The following USP14 variants were observed in gnomAD, a reference collection of about 807,000 sequenced individuals.
The protein encoded by USP14 is ubiquitin carboxyl-terminal hydrolase 14.
A neutral mutation model predicts 76.5 loss-of-function variants in USP14; 38 were observed. The ratio of observed to expected loss-of-function variants is 0.50; its 90% CI spans 0.38 to 0.65. The LOEUF is 0.65. Ranked by LOEUF, USP14 falls within the 30% of genes least tolerant of loss-of-function variation. The pLI is 0.00. For missense variants in USP14, 467 were observed against 586.5 expected, an observed-to-expected ratio of 0.80 and a Z score of 2.10; for synonymous variants, 192 against 191.7, an observed-to-expected ratio of 1.00 and a Z score of -0.01.
At chr18:186,783 G>A (rs927171246) in intron 5 of USP14, among the ~76,000 whole-genome samples, 2 of 151,928 alleles carry the variant, frequency 1.3e-5, no homozygotes, top group Non-Finnish European at 2.9e-5. Context: ...GAAGATTTGC[G>A]TTATATTTGG....
At chr18:193,453 C>T (rs1237358442) in intron 6 of USP14, among the ~76,000 whole-genome samples, 3 of 151,994 alleles carry the variant, frequency 2.0e-5, no homozygotes, top group Non-Finnish European at 1.5e-5. Flanking sequence ...ATATAGTGTA[C>T]ATATCATAAA....
In USP14 at chr18:213,744, G is replaced by C. The variant is rs1223778052; in HGVS notation, c.*2460G>C. 6.6e-6 allele frequency: 1 copy of C among 152,460 alleles called. No individual in the cohort carries two copies. Among genetic ancestry groups the C allele is most frequent in the South Asian group, 2.1e-4 (1 of 4,816 alleles). The allele number at this position is 152,460 out of a possible 1,614,324, so 9.4% of individuals were successfully genotyped here. ...GCCCTAAAGGGAAATGCTTATGTGGGAACAAGAAAAGTCGGTGGTACTGTC... is the reference window on the plus strand; with the variant it reads ...GCCCTAAAGGGAAATGCTTATGTGGCAACAAGAAAAGTCGGTGGTACTGTC... On this transcript the variant is annotated 3_prime_UTR_variant, in exon 16 of 16. Coordinates refer to ENST00000261601, the MANE Select transcript of USP14 (RefSeq NM_005151.4).
At chr18:205,512 G>A (rs921056290) in intron 13 of USP14, among the ~76,000 whole-genome samples, 3 of 152,092 alleles carry the variant, frequency 2.0e-5, no homozygotes, top group African/African-American at 4.8e-5. Flanking sequence ...GGTGGCTCAC[G>A]CTAGTAATCC....
At chr18:172,093 T>C (rs1012565167) in intron 3 of USP14, among the ~76,000 whole-genome samples, 2 of 151,910 alleles carry the variant, frequency 1.3e-5, no homozygotes, top group African/African-American at 2.4e-5. Flanking sequence ...ATAAAATTAG[T>C]TGGGCATGGT....
chr18:192,841 G>C lies in USP14; in HGVS notation c.405-1G>C, dbSNP rs1450591286. On this transcript the variant is annotated splice_acceptor_variant, in intron 5 of 15. Coordinates refer to ENST00000261601, the MANE Select transcript of USP14 (RefSeq NM_005151.4). LOFTEE classifies it high-confidence loss of function. ...GTTTAACTCGGCTTTAATGTTCCTAGGTATGCAGGTGCCTTGAGAGCTTCA... is the reference window on the plus strand; with the variant it reads ...GTTTAACTCGGCTTTAATGTTCCTACGTATGCAGGTGCCTTGAGAGCTTCA... 1 of 1,613,628 alleles carries C rather than the reference G, an allele frequency of 6.2e-7. No individual in the cohort carries two copies.
chr18:196,077 C>G (rs1465572222), intron 6 of USP14, among the ~76,000 whole-genome samples: 1 of 151,930 alleles, frequency 6.6e-6, no homozygotes, highest in Non-Finnish European at 1.5e-5. Flanking sequence ...AATCCCAGCA[C>G]TTTGGGAGGC....
At chr18:201,479 A>C (rs1269807412) in intron 10 of USP14, among the ~76,000 whole-genome samples, 2 of 152,222 alleles carry the variant, frequency 1.3e-5, no homozygotes, top group African/African-American at 2.4e-5. Context: ...AAGGGTTGTT[A>C]AAGGGCATAA....
intron 2 of USP14, 100 bp downstream of exon 2, chr18:163,553 C>CT: frequency 3.0e-6 from 4 of 1,349,962 alleles, no homozygotes; most frequent in Admixed American, 5.1e-5. Flanking sequence ...ATTTGAAGTG[C>CT]TTTTTTTATA....
chr18:169,040 G>A (rs1050385246), intron 3 of USP14, among the ~76,000 whole-genome samples: 18 of 151,372 alleles, frequency 1.2e-4, no homozygotes, highest in Admixed American at 4.0e-4. Flanking sequence ...TTGTGCCACT[G>A]TACTCTAGCC....
chr18:176,085 T>C (rs955090102), intron 3 of USP14, among the ~76,000 whole-genome samples: 6 of 152,172 alleles, frequency 3.9e-5, no homozygotes, highest in African/African-American at 1.2e-4. Context: ...CTCTCTAGTA[T>C]TGGCAAATTA....
intron 5 of USP14, among the ~76,000 whole-genome samples, chr18:191,164 G>A (rs1191761568): frequency 6.6e-6 from 1 of 152,044 alleles, no homozygotes; most frequent in Non-Finnish European, 1.5e-5. Flanking sequence ...CTTTTAAGAA[G>A]TTGCTAAAAT....
At chr18:202,828 GA>G in intron 10 of USP14, 51 bp from the exon 11 acceptor site, 1 of 1,585,210 alleles carries the variant, frequency 6.3e-7, no homozygotes, top group Admixed American at 1.7e-5. Flanking sequence ...CTATATTGCA[GA>G]AATAAAATTT....
chr18:186,499 TC>T (rs1909933955), intron 5 of USP14, among the ~76,000 whole-genome samples: 2 of 152,040 alleles, frequency 1.3e-5, no homozygotes, highest in African/African-American at 4.8e-5. Flanking sequence ...ATGCTTGTAA[TC>T]CCAGCACTTT....
chr18:161,841 G>A (rs1909128094), intron 1 of USP14, among the ~76,000 whole-genome samples: 1 of 152,140 alleles, frequency 6.6e-6, no homozygotes, highest in South Asian at 2.1e-4. Context: ...GCTATTTTAT[G>A]AGGCTGATTG....
At chr18:200,548 T>C (rs1407674327) in intron 10 of USP14, among the ~76,000 whole-genome samples, 1 of 152,230 alleles carries the variant, frequency 6.6e-6, no homozygotes, top group African/African-American at 2.4e-5. Flanking sequence ...CAGTTAGTGC[T>C]GCTTTTCCAG....
intron 1 of USP14, 67 bp downstream of exon 1, chr18:158,781 C>T (rs936053210): frequency 3.7e-6 from 5 of 1,340,758 alleles, no homozygotes; most frequent in East Asian, 3.1e-5. Context: ...TAGGCCTGGC[C>T]TGCACGGGCG....
Position 211,371 on chromosome 18 carries a change from A to G in USP14, c.*87A>G. The G allele has an allele frequency of 2.1e-6, 3 of 1,425,052 alleles. No individual in the cohort carries two copies. Among genetic ancestry groups the G allele is most frequent in the South Asian group, 2.8e-5 (2 of 70,344 alleles). 88.3% of individuals were successfully genotyped at this position (1,425,052 alleles called of 1,614,324 possible). A position where few individuals can be genotyped will look rare whatever the true frequency, so the allele number is the denominator to read the frequency against. ...AATCCAGAGCTTTAGAGGAAGACAC[A>G]TAGGTGGGTTTATGTTTCACCTCAT... On this transcript the variant is annotated 3_prime_UTR_variant, in exon 16 of 16. Coordinates refer to ENST00000261601, the MANE Select transcript of USP14 (RefSeq NM_005151.4).
chr18:181,957 T>A (rs1225375801), intron 5 of USP14, among the ~76,000 whole-genome samples: 1 of 152,196 alleles, frequency 6.6e-6, no homozygotes, highest in African/African-American at 2.4e-5. Context: ...GTTCTTCCAG[T>A]ATCATTTGTT....
rs745467673 is a variant in USP14, at chr18:209,975, A to T, written c.1169A>T (p.Asp390Val). Residue 390 changes from aspartate (D) to valine (V), a missense_variant, in exon 14 of 16, where the codon GAC becomes GTC. Asp to Val is a radical substitution (Grantham distance 152, BLOSUM62 -3). Transcript: ENST00000261601. ...KKVNQQPNTS[D>V]KKSSPQKEVK... Reference sequence around the variant, plus strand: ...TAAACATTTTTTTCTCCTCAGAGTGACAAAAAGAGTAGTCCCCAGAAAGAA... The same window carrying T: ...TAAACATTTTTTTCTCCTCAGAGTGTCAAAAAGAGTAGTCCCCAGAAAGAA... 6.2e-7 allele frequency: 1 copy of T among 1,600,336 alleles called. No homozygotes were observed. Among genetic ancestry groups the T allele is most frequent in the South Asian group, 1.1e-5 (1 of 87,764 alleles).
Sources: gnomAD v4.1 joint callset for allele counts (sites outside exome capture counted in the v4.1 genomes callset) on GRCh38, gnomAD v4.1.1 for gene constraint, MANE v1.5 for transcripts, NCBI Gene and HGNC (gene_info 2026-07-23, HGNC 2026-07-21) for gene names.